ATP8A2: variants seen among roughly 807,000 people sequenced by gnomAD.
The protein encoded by ATP8A2 is phospholipid-transporting ATPase IB.
A neutral mutation model predicts 165.6 loss-of-function variants in ATP8A2; 100 were observed. The ratio of observed to expected loss-of-function variants is 0.60; its 90% CI spans 0.51 to 0.71. ATP8A2 has a LOEUF of 0.71. Among genes scored for constraint, ATP8A2 ranks in the 30% least tolerant of loss-of-function variants. The pLI, the probability that ATP8A2 is intolerant of heterozygous loss-of-function variation, is 0.00. For synonymous variants in ATP8A2, 543 were observed against 548.8 expected, an observed-to-expected ratio of 0.99 and a Z score of 0.15; for missense variants, 1,227 against 1,479.5, an observed-to-expected ratio of 0.83 and a Z score of 2.80.
rs1021091799 is a variant in ATP8A2 at position 26,025,538 on chromosome 13, G to A, written c.*5553G>A. ...GAGGTTTTAATCTGGTGATGCAGAG[G>A]GAAGCAGGGCTGTGGGGGCACGTTT... On this transcript the variant is annotated 3_prime_UTR_variant, in exon 37 of 37. Coordinates refer to ENST00000381655, the MANE Select transcript of ATP8A2 (RefSeq NM_016529.6). The A allele has an allele frequency of 6.6e-6, 1 of 152,308 alleles. No homozygotes were observed. Among genetic ancestry groups the A allele is most frequent in the Non-Finnish European group, 1.5e-5 (1 of 68,078 alleles). The allele number at this position is 152,308 out of a possible 1,614,324, so 9.4% of individuals were successfully genotyped here.
chr13:25,789,924 C>G (rs1352805186), intron 27 of ATP8A2, among the ~76,000 whole-genome samples: 1 of 152,088 alleles, frequency 6.6e-6, no homozygotes, highest in East Asian at 1.9e-4. Context: ...GAAATAAGAC[C>G]ACATACCTAC....
chr13:25,581,992 G>A, intron 23 of ATP8A2, 35 bp downstream of exon 23: 2 of 1,568,684 alleles, frequency 1.3e-6, no homozygotes, highest in Non-Finnish European at 1.7e-6. Flanking sequence ...CTGATGCTGG[G>A]TTTTGTATTT....
intron 33 of ATP8A2, among the ~76,000 whole-genome samples, chr13:25,884,559 C>A (rs879824338): frequency 6.6e-6 from 1 of 152,156 alleles, no homozygotes; most frequent in Admixed American, 6.5e-5. Flanking sequence ...CACTTCCCAG[C>A]AGCTTCCTTG....
At chr13:26,005,787 T>C (rs1253721350) in intron 35 of ATP8A2, among the ~76,000 whole-genome samples, 1 of 152,072 alleles carries the variant, frequency 6.6e-6, no homozygotes, top group Non-Finnish European at 1.5e-5. Flanking sequence ...TATTATTGAA[T>C]GGTCTTCACA....
At chr13:25,856,348 T>C (rs1362671289) in intron 30 of ATP8A2, among the ~76,000 whole-genome samples, 1 of 152,082 alleles carries the variant, frequency 6.6e-6, no homozygotes, top group Non-Finnish European at 1.5e-5. Context: ...CGTGTACACA[T>C]GGACATGGAG....
chr13:25,643,697 C>CA (rs1014746115), intron 24 of ATP8A2, among the ~76,000 whole-genome samples: 6 of 150,866 alleles, frequency 4.0e-5, no homozygotes, highest in Admixed American at 1.3e-4. Flanking sequence ...AGTGTGATAC[C>CA]TCCCACTGTG....
At chr13:25,428,017 CTACAAAAAT>C (rs1219705260) in intron 1 of ATP8A2, among the ~76,000 whole-genome samples, 1 of 152,032 alleles carries the variant, frequency 6.6e-6, no homozygotes, top group Non-Finnish European at 1.5e-5. Flanking sequence ...AACCCCATCT[CTACAAAAAT>C]TACAAAAATT....
chr13:25,870,307 G>A (rs1245918754), intron 33 of ATP8A2, among the ~76,000 whole-genome samples: 3 of 152,104 alleles, frequency 2.0e-5, no homozygotes, highest in Non-Finnish European at 2.9e-5. Context: ...GGATAGGGGC[G>A]TGGCAGGTCA....
At chr13:25,647,389 T>C (rs2041700470) in intron 24 of ATP8A2, among the ~76,000 whole-genome samples, 1 of 152,182 alleles carries the variant, frequency 6.6e-6, no homozygotes, top group South Asian at 2.1e-4. Context: ...GGTTGGCAGA[T>C]TTTTTCCCCC....
chr13:25,688,696 C>A (rs553955456), intron 24 of ATP8A2, among the ~76,000 whole-genome samples: 2 of 152,196 alleles, frequency 1.3e-5, no homozygotes, highest in Non-Finnish European at 2.9e-5. Context: ...TACTCCCCAG[C>A]GCCTGCTGAT....
chr13:26,009,068 T>G (rs1236049612), intron 35 of ATP8A2, among the ~76,000 whole-genome samples: 1 of 152,226 alleles, frequency 6.6e-6, no homozygotes, highest in African/African-American at 2.4e-5. Flanking sequence ...GAAAGCTGTT[T>G]CTTTTTTATG....
chr13:25,937,298 G>A (rs1318367586), intron 33 of ATP8A2, among the ~76,000 whole-genome samples: 1 of 140,986 alleles, frequency 7.1e-6, no homozygotes, highest in African/African-American at 2.5e-5. Context: ...TGCAGTCATA[G>A]AAGTCATTCA....
intron 24 of ATP8A2, among the ~76,000 whole-genome samples, chr13:25,653,347 G>A (rs1420878652): frequency 6.6e-6 from 1 of 152,158 alleles, no homozygotes; most frequent in African/African-American, 2.4e-5. Flanking sequence ...AACTAATGTA[G>A]GAACAGAAAA....
intron 25 of ATP8A2, among the ~76,000 whole-genome samples, chr13:25,748,851 GT>G (rs2044094293): frequency 6.6e-6 from 1 of 152,110 alleles, no homozygotes; most frequent in Non-Finnish European, 1.5e-5. Context: ...TTTTCAAAAT[GT>G]TTTTTCTCCT....
At chr13:25,505,209 G>GGT (rs1555284685) in intron 2 of ATP8A2, among the ~76,000 whole-genome samples, 7 of 137,722 alleles carry the variant, frequency 5.1e-5, no homozygotes, top group East Asian at 2.1e-4. Context: ...GGGCGGGGGG[G>GGT]GGTGGTGGTC....
intron 1 of ATP8A2, among the ~76,000 whole-genome samples, chr13:25,419,776 T>G (rs1031479657): frequency 3.3e-5 from 5 of 152,168 alleles, no homozygotes; most frequent in African/African-American, 1.2e-4. Flanking sequence ...AAACAGCAAG[T>G]GTGAGAGTGA....
intron 2 of ATP8A2, among the ~76,000 whole-genome samples, chr13:25,473,106 GCCTC>G (rs2035892844): frequency 1.3e-5 from 2 of 152,120 alleles, no homozygotes; most frequent in Non-Finnish European, 2.9e-5. Flanking sequence ...GTCCATTGTG[GCCTC>G]AGCACCCCCA....
Position 25,582,978 on chromosome 13 carries a change from AC to A in ATP8A2, c.2146+1022del, listed in dbSNP as rs551210567. ...CGGAAGTTAAGCTCACAAGAGAGTA[AC>A]ATAGGATTCATAAACAGTCCCTGAA... is the stretch of plus-strand genomic sequence containing the variant. On this transcript the variant is annotated intron_variant, in intron 23 of 36. Coordinates refer to ENST00000381655, the MANE Select transcript of ATP8A2 (RefSeq NM_016529.6). 1.6e-3 allele frequency among the ~76,000 whole-genome samples: 245 copies of A among 152,362 alleles called. 1 individual carries two copies. The highest frequency in any genetic ancestry group is 4.9e-3 in the African/African-American group (203 of 41,590).
intron 33 of ATP8A2, among the ~76,000 whole-genome samples, chr13:25,949,374 T>C (rs540584506): frequency 4.9e-4 from 75 of 152,230 alleles, no homozygotes; most frequent in Non-Finnish European, 9.3e-4. Context: ...TCCTAAATAC[T>C]GCGCGTTGAC....
Sources: allele counts gnomAD v4.1 joint callset (sites outside exome capture counted in the v4.1 genomes callset), GRCh38; gene constraint gnomAD v4.1.1; transcripts MANE v1.5; gene names NCBI Gene and HGNC (gene_info 2026-07-23, HGNC 2026-07-21).